CAMK4: variants seen among roughly 807,000 people sequenced by gnomAD.
CAMK4 encodes calcium/calmodulin-dependent protein kinase type IV.
A neutral mutation model predicts 44.9 loss-of-function variants in CAMK4; 22 were observed. That is an observed-to-expected ratio of 0.49 (90% confidence interval 0.35 to 0.70). The LOEUF is 0.70. Ranked by LOEUF, CAMK4 falls within the 30% of genes least tolerant of loss-of-function variation. The pLI, the probability that CAMK4 is intolerant of heterozygous loss-of-function variation, is 0.01. For synonymous variants in CAMK4, 218 were observed against 215.4 expected (o/e 1.01, Z -0.11); for missense variants, 498 against 586.8 (o/e 0.85, Z 1.56).
chr5:111,481,430 C>G (rs191321486), intron 9 of CAMK4, among the ~76,000 whole-genome samples: 2 of 152,280 alleles, frequency 1.3e-5, no homozygotes, highest in Non-Finnish European at 2.9e-5. Context: ...CCTAAAGAGC[C>G]TCATGTCTCT....
intron 5 of CAMK4, among the ~76,000 whole-genome samples, chr5:111,399,091 A>G (rs1272261513): frequency 6.6e-6 from 1 of 152,180 alleles, no homozygotes; most frequent in Non-Finnish European, 1.5e-5. Context: ...AAGTAAAAAA[A>G]AAAATCAAAA....
chr5:111,254,083 A>G (rs1749634732), intron 1 of CAMK4, among the ~76,000 whole-genome samples: 1 of 152,246 alleles, frequency 6.6e-6, no homozygotes, highest in Admixed American at 6.5e-5. Flanking sequence ...ATAGAAGCTC[A>G]GAATAAATTA....
intron 6 of CAMK4, among the ~76,000 whole-genome samples, chr5:111,447,277 A>T (rs536289529): frequency 1.3e-5 from 2 of 152,304 alleles, no homozygotes; most frequent in African/African-American, 4.8e-5. Flanking sequence ...TCCATAGAAC[A>T]CTGGTTTCTC....
chr5:111,435,708 C>A (rs1033573993), intron 5 of CAMK4, among the ~76,000 whole-genome samples: 1 of 152,184 alleles, frequency 6.6e-6, no homozygotes, highest in Non-Finnish European at 1.5e-5. Context: ...AATTGTAGAT[C>A]ATTTTTGAAC....
At chr5:111,449,469 C>T (rs1030080559) in intron 7 of CAMK4, among the ~76,000 whole-genome samples, 16 of 152,146 alleles carry the variant, frequency 1.1e-4, no homozygotes, top group Non-Finnish European at 2.1e-4. Context: ...AGCAGAAAGA[C>T]CATCACCACA....
At chr5:111,476,569 G>T (rs1002919869) in intron 8 of CAMK4, among the ~76,000 whole-genome samples, 2 of 151,724 alleles carry the variant, frequency 1.3e-5, no homozygotes, top group Non-Finnish European at 2.9e-5. Context: ...GACCCACCGC[G>T]CATGGCCCAC....
chr5:111,351,841 T>A (rs1356193428), intron 2 of CAMK4, among the ~76,000 whole-genome samples: 1 of 152,106 alleles, frequency 6.6e-6, no homozygotes, highest in Non-Finnish European at 1.5e-5. Flanking sequence ...AACACGAACT[T>A]GGTGGCTTAT....
At chr5:111,237,294 C>A (rs970619378) in intron 1 of CAMK4, among the ~76,000 whole-genome samples, 1 of 152,218 alleles carries the variant, frequency 6.6e-6, no homozygotes, top group Admixed American at 6.5e-5. Context: ...ATACTGTCAC[C>A]TTCTGTGAGG....
At chr5:111,409,860 G>A (rs1490321123) in intron 5 of CAMK4, among the ~76,000 whole-genome samples, 2 of 152,056 alleles carry the variant, frequency 1.3e-5, no homozygotes, top group Non-Finnish European at 2.9e-5. Flanking sequence ...ATCTCCATTT[G>A]AGTCCACCTC....
rs1753691828 is a variant in CAMK4, at chr5:111,437,611, G to A, written c.460-9075G>A. Among the ~76,000 whole-genome samples, 3 of 152,154 alleles carry A rather than the reference G, an allele frequency of 2.0e-5. No homozygotes were observed. In the South Asian group the frequency reaches 6.2e-4, roughly 32 times the overall value. On this transcript the variant is annotated intron_variant, in intron 5 of 10. Coordinates refer to ENST00000282356, the MANE Select transcript of CAMK4 (RefSeq NM_001744.6). ...CACATATGTTACTTTGGAAGGATAG[G>A]TACAGTTTCCCTGAGGAAGTGACAT...
intron 2 of CAMK4, among the ~76,000 whole-genome samples, chr5:111,348,611 C>T (rs965846449): frequency 1.3e-5 from 2 of 151,854 alleles, no homozygotes; most frequent in African/African-American, 2.4e-5. Flanking sequence ...ATAAAGTCTG[C>T]AATTTACTTT....
At chr5:111,357,738 T>C (rs1750426258) in intron 2 of CAMK4, among the ~76,000 whole-genome samples, 1 of 152,096 alleles carries the variant, frequency 6.6e-6, no homozygotes. Context: ...CCATATGTCA[T>C]GTCACTCACT....
chr5:111,419,613 T>C (rs1752947475), intron 5 of CAMK4, among the ~76,000 whole-genome samples: 1 of 152,298 alleles, frequency 6.6e-6, no homozygotes, highest in South Asian at 2.1e-4. Flanking sequence ...CTTGAATTAA[T>C]TTTTGTATAA....
intron 1 of CAMK4, among the ~76,000 whole-genome samples, chr5:111,249,420 A>C (rs1372321795): frequency 1.3e-5 from 2 of 151,304 alleles, no homozygotes; most frequent in East Asian, 3.9e-4. Context: ...TATTGTATGT[A>C]TAATATAGTA....
At chr5:111,473,533 T>A in intron 8 of CAMK4, 147 bp downstream of exon 8, 1 of 609,028 alleles carries the variant, frequency 1.6e-6, no homozygotes, top group Non-Finnish European at 2.9e-6. Flanking sequence ...AGTGATAGAA[T>A]TTCCTGAAAA....
chr5:111,431,889 G>A (rs536494085), intron 5 of CAMK4, among the ~76,000 whole-genome samples: 2 of 152,030 alleles, frequency 1.3e-5, no homozygotes, highest in Non-Finnish European at 2.9e-5. Flanking sequence ...TAGAGAAAAG[G>A]GAACCCTTGT....
At chr5:111,442,492 AAAAC>A (rs1390564315) in intron 5 of CAMK4, among the ~76,000 whole-genome samples, 5 of 145,870 alleles carry the variant, frequency 3.4e-5, no homozygotes, top group Admixed American at 2.8e-4. Context: ...CTGCGTCTCA[AAAAC>A]AAACAAACAA....
chr5:111,263,109 A>C (rs770049611), intron 1 of CAMK4, among the ~76,000 whole-genome samples: 3 of 152,214 alleles, frequency 2.0e-5, no homozygotes, highest in Non-Finnish European at 4.4e-5. Context: ...ATCATAGTTC[A>C]TGTCCCCATT....
chr5:111,248,037 T>A (rs1749316517), intron 1 of CAMK4, among the ~76,000 whole-genome samples: 1 of 152,198 alleles, frequency 6.6e-6, no homozygotes, highest in African/African-American at 2.4e-5. Context: ...CTGCAGATTA[T>A]CTCACTGGAC....
Sources: gnomAD v4.1 joint callset for allele counts (sites outside exome capture counted in the v4.1 genomes callset) on GRCh38, gnomAD v4.1.1 for gene constraint, MANE v1.5 for transcripts, NCBI Gene and HGNC (gene_info 2026-07-23, HGNC 2026-07-21) for gene names.